ANO3: variants seen among roughly 807,000 people sequenced by gnomAD.
ANO3 encodes the protein anoctamin 3, also known as anoctamin-3.
Under a neutral mutation model 144.8 loss-of-function variants are expected in ANO3, and 99 were observed. The observed-to-expected ratio is 0.68, with a 90% CI of 0.58 to 0.81. The LOEUF (loss-of-function observed/expected upper bound fraction) is 0.81, where lower values mean the gene tolerates loss of function less well. ANO3 is among the 30% of genes least tolerant of loss of function. ANO3 has a pLI of 0.00. For missense variants in ANO3, 905 were observed against 1,202.2 expected (o/e 0.75, Z 3.66); for synonymous variants, 414 against 392.6 (o/e 1.05, Z -0.64).
At chr11:26,365,415 T>A (rs1759736114) in intron 1 of ANO3, among the ~76,000 whole-genome samples, 2 of 152,320 alleles carry the variant, frequency 1.3e-5, no homozygotes, top group South Asian at 4.1e-4. Flanking sequence ...TAGTGGGGAT[T>A]CTCTGGGGCT....
rs1319780045 is a variant in ANO3, at chr11:26,407,070, GTGTGTGTATA to G, written c.47-34846_47-34837del. 2.8e-3 allele frequency among the ~76,000 whole-genome samples: 286 copies of G among 101,386 alleles called. 1 individual carries two copies. The highest frequency in any genetic ancestry group is 4.7e-3 in the Non-Finnish European group (225 of 47,640). 66.5% of individuals were successfully genotyped at this position (101,386 alleles called of 152,430 possible). A position where few individuals can be genotyped will look rare whatever the true frequency, so the allele number is the denominator to read the frequency against. ...TGGGTGTGTGTGTGTGTGTGTGTGT[GTGTGTGTATA>G]TATATATATATATGTATATATATGC... On this transcript the variant is annotated intron_variant, in intron 1 of 26. Transcript: ENST00000256737.
At chr11:26,429,619 A>G (rs2134008318) in intron 1 of ANO3, among the ~76,000 whole-genome samples, 1 of 152,284 alleles carries the variant, frequency 6.6e-6, no homozygotes, top group Non-Finnish European at 1.5e-5. Context: ...TTTAGATTGT[A>G]TTCAAAGTAA....
chr11:26,457,296 GAAAA>G (rs1859204308), intron 3 of ANO3, among the ~76,000 whole-genome samples: 1 of 127,782 alleles, frequency 7.8e-6, no homozygotes, highest in Non-Finnish European at 1.7e-5. Context: ...TATAATAAAA[GAAAA>G]AAGAAAGAAA....
At chr11:26,376,546 A>G (rs896788471) in intron 1 of ANO3, among the ~76,000 whole-genome samples, 5 of 152,118 alleles carry the variant, frequency 3.3e-5, no homozygotes, top group African/African-American at 1.2e-4. Flanking sequence ...TGTCCTTCGA[A>G]GGCATCACTG....
intron 3 of ANO3, among the ~76,000 whole-genome samples, chr11:26,449,472 G>C (rs112326711): frequency 2.8e-4 from 39 of 140,522 alleles, no homozygotes; most frequent in South Asian, 9.7e-4. Context: ...CTGTCTGTCT[G>C]TCTCTCTCTC....
At chr11:26,256,677 T>C (rs561418581) in intron 1 of ANO3, among the ~76,000 whole-genome samples, 361 of 152,250 alleles carry the variant, frequency 2.4e-3, no homozygotes, top group Middle Eastern at 0.014. Flanking sequence ...TGAAATAATG[T>C]ATGTGAAAGC....
chr11:26,632,646 A>G (rs1034488859), intron 18 of ANO3, among the ~76,000 whole-genome samples: 2 of 150,956 alleles, frequency 1.3e-5, no homozygotes, highest in Non-Finnish European at 2.9e-5. Context: ...CACACAAACC[A>G]TATGCCCAAC....
At chr11:26,409,137 A>G (rs1399367497) in intron 1 of ANO3, among the ~76,000 whole-genome samples, 2 of 151,752 alleles carry the variant, frequency 1.3e-5, no homozygotes, top group African/African-American at 4.8e-5. Flanking sequence ...TAAAAAAAAA[A>G]AAAGAACCAG....
intron 1 of ANO3, among the ~76,000 whole-genome samples, chr11:26,389,909 T>C (rs1009543762): frequency 6.6e-6 from 1 of 152,116 alleles, no homozygotes; most frequent in Non-Finnish European, 1.5e-5. Context: ...ACTGTACACC[T>C]CTACTACGTG....
intron 6 of ANO3, among the ~76,000 whole-genome samples, chr11:26,519,924 G>A (rs1862004371): frequency 6.6e-6 from 1 of 151,690 alleles, no homozygotes; most frequent in African/African-American, 2.4e-5. Context: ...CAATTCTATG[G>A]TGTAATACTT....
intron 14 of ANO3, among the ~76,000 whole-genome samples, chr11:26,576,146 C>G (rs1850980583): frequency 6.6e-6 from 1 of 152,154 alleles, no homozygotes; most frequent in South Asian, 2.1e-4. Context: ...AGAACAAGCT[C>G]AGGCTACCAC....
chr11:26,374,935 G>A (rs1165341236), intron 1 of ANO3, among the ~76,000 whole-genome samples: 1 of 152,026 alleles, frequency 6.6e-6, no homozygotes, highest in Non-Finnish European at 1.5e-5. Context: ...GTAGAGACAG[G>A]GTTTCACCAT....
chr11:26,557,476 A>AT (rs1850121151), intron 13 of ANO3, among the ~76,000 whole-genome samples: 1 of 151,872 alleles, frequency 6.6e-6, no homozygotes, highest in African/African-American at 2.4e-5. Flanking sequence ...AAAAAAAAAA[A>AT]AGTTGAACAA....
chr11:26,264,617 G>T (rs1441168036), intron 1 of ANO3, among the ~76,000 whole-genome samples: 2 of 152,110 alleles, frequency 1.3e-5, no homozygotes, highest in Non-Finnish European at 2.9e-5. Context: ...AGTCTGGGTA[G>T]CTTAAATAAG....
At chr11:26,556,572 AG>A (rs1226265287) in intron 13 of ANO3, among the ~76,000 whole-genome samples, 2 of 152,200 alleles carry the variant, frequency 1.3e-5, no homozygotes, top group Non-Finnish European at 2.9e-5. Flanking sequence ...CAATTGGTCA[AG>A]GGTGAGGCCT....
At chr11:26,346,726 T>A (rs1202580550) in intron 1 of ANO3, among the ~76,000 whole-genome samples, 1 of 152,152 alleles carries the variant, frequency 6.6e-6, no homozygotes, top group Non-Finnish European at 1.5e-5. Context: ...ATGGAAAATA[T>A]AACATTTAAC....
chr11:26,419,390 G>A (rs577496463), intron 1 of ANO3, among the ~76,000 whole-genome samples: 28 of 152,158 alleles, frequency 1.8e-4, no homozygotes, highest in African/African-American at 6.0e-4. Context: ...TGATTTTCAC[G>A]TCTATTGGGT....
rs1853354669 is a variant in ANO3, at chr11:26,268,063, C to T, written c.155-41582C>T. Among the ~76,000 whole-genome samples the T allele has an allele frequency of 2.6e-5, 4 of 151,982 alleles. No individual in the cohort carries two copies. The South Asian group carries it at 8.3e-4, about 32-fold the overall frequency. ...TACATTCCATGTTACATATACTGGTCAGGAAAGAACTATAAGAAAATCAGC... is the reference window on the plus strand; with the variant it reads ...TACATTCCATGTTACATATACTGGTTAGGAAAGAACTATAAGAAAATCAGC... On this transcript the variant is annotated intron_variant, in intron 1 of 27. Coordinates refer to the ANO3 transcript ENST00000672621.
chr11:26,231,671 T>C (rs1017832542), intron 1 of ANO3, among the ~76,000 whole-genome samples: 1 of 152,240 alleles, frequency 6.6e-6, no homozygotes. Flanking sequence ...TTTGGAAAGC[T>C]ACTTAAGTTC....
Sources: gnomAD v4.1 joint callset for allele counts (sites outside exome capture counted in the v4.1 genomes callset) on GRCh38, gnomAD v4.1.1 for gene constraint, MANE v1.5 for transcripts, NCBI Gene and HGNC (gene_info 2026-07-23, HGNC 2026-07-21) for gene names.